ARPC5L: variants seen among roughly 807,000 people sequenced by gnomAD.
The protein encoded by ARPC5L is actin related protein 2/3 complex subunit 5 like.
Under a neutral mutation model 16.9 loss-of-function variants are expected in ARPC5L, and 4 were observed. That is an observed-to-expected ratio of 0.24 (90% CI 0.12 to 0.54). The LOEUF (loss-of-function observed/expected upper bound fraction) is 0.54, where lower values mean the gene tolerates loss of function less well. Ranked by LOEUF, ARPC5L falls within the 20% of genes least tolerant of loss-of-function variation. The pLI, the probability that ARPC5L is intolerant of heterozygous loss-of-function variation, is 0.95. For missense variants in ARPC5L, 151 were observed against 201.9 expected, an observed-to-expected ratio of 0.75 and a Z score of 1.53; for synonymous variants, 78 against 82.6, an observed-to-expected ratio of 0.94 and a Z score of 0.30.
At chr9:124,874,572 C>G (rs1425608602) in intron 4 of ARPC5L, among the ~76,000 whole-genome samples, 2 of 152,072 alleles carry the variant, frequency 1.3e-5, no homozygotes, top group Non-Finnish European at 2.9e-5. Context: ...GTGGCATGTG[C>G]CTGTAGCCCT....
chr9:124,869,043 G>T lies in ARPC5L; in HGVS notation c.-248G>T, dbSNP rs560636924. On this transcript the variant is annotated 5_prime_UTR_variant, in exon 3 of 6. Coordinates refer to ENST00000353214, the MANE Select transcript of ARPC5L (RefSeq NM_030978.3). ...GACTCCGTGGAAGGGACACTGAGGT[G>T]GGGGAGGCTGCGGTGATCCCATACC... is the stretch of plus-strand genomic sequence containing the variant. The T allele has an allele frequency of 5.2e-6, 2 of 384,892 alleles. No individual in the cohort carries two copies. Among genetic ancestry groups the T allele is most frequent in the Non-Finnish European group, 9.1e-6 (2 of 219,810 alleles). 23.8% of individuals were successfully genotyped at this position (384,892 alleles called of 1,614,324 possible).
chr9:124,869,125 T>G lies in ARPC5L; in HGVS notation c.-166T>G, dbSNP rs920608669. ...TGACGGCGCTTCCGGATCCGGCGGG[T>G]GCCGGAAGTGGGCGGGCGGCGGCGG... On this transcript the variant is annotated 5_prime_UTR_variant, in exon 3 of 6. Transcript: ENST00000353214. The G allele has an allele frequency of 1.9e-5, 15 of 804,578 alleles. No homozygotes were observed. In the East Asian group the frequency reaches 2.9e-4, roughly 15 times the overall value. The allele number at this position is 804,578 out of a possible 1,614,324, so 49.8% of individuals were successfully genotyped here. A position where few individuals can be genotyped will look rare whatever the true frequency, so the allele number is the denominator to read the frequency against.
In ARPC5L at chr9:124,877,103, G is replaced by A. The variant is rs116333678; in HGVS notation, c.*163G>A. On this transcript the variant is annotated 3_prime_UTR_variant, in exon 6 of 6. Transcript: ENST00000353214. ...TATTTTCAAGGTGGAGGGGAAAATC[G>A]TCTGTTTCCTAAATCCTGTTTAGGA... The A allele has an allele frequency of 1.2e-4, 74 of 628,722 alleles. No homozygotes were observed. Among genetic ancestry groups the A allele is most frequent in the African/African-American group, 5.0e-4 (27 of 53,918 alleles). The allele number at this position is 628,722 out of a possible 1,614,324, so 38.9% of individuals were successfully genotyped here.
chr9:124,877,190 C>G lies in ARPC5L; in HGVS notation c.*250C>G. On this transcript the variant is annotated 3_prime_UTR_variant, in exon 6 of 6. Transcript: ENST00000353214. ...AACTGACATTTTGACGGTCTACCAG[C>G]GTGGCGGCTGGTGTTGGTCAGATGC... 2.2e-6 allele frequency: 1 copy of G among 448,806 alleles called. No homozygotes were observed. The highest frequency in any genetic ancestry group is 6.0e-4 in the Middle Eastern group (1 of 1,654). 27.8% of individuals were successfully genotyped at this position (448,806 alleles called of 1,614,324 possible). A position where few individuals can be genotyped will look rare whatever the true frequency, so the allele number is the denominator to read the frequency against.
intron 2 of ARPC5L, among the ~76,000 whole-genome samples, chr9:124,866,735 A>T (rs898073931): frequency 3.3e-5 from 5 of 152,070 alleles, no homozygotes; most frequent in Non-Finnish European, 5.9e-5. Context: ...ATTAAAAAAA[A>T]ATTTACCCAG....
In ARPC5L at chr9:124,869,066, A is replaced by C. The variant is rs768796087; in HGVS notation, c.-225A>C. ...GTGGGGGAGGCTGCGGTGATCCCATACCGCACTCCAGGTGCCAGGCTCCGC... is the reference window on the plus strand; with the variant it reads ...GTGGGGGAGGCTGCGGTGATCCCATCCCGCACTCCAGGTGCCAGGCTCCGC... On this transcript the variant is annotated 5_prime_UTR_variant, in exon 3 of 6. Coordinates refer to ENST00000353214, the MANE Select transcript of ARPC5L (RefSeq NM_030978.3). 284 of 417,444 alleles carry C rather than the reference A, an allele frequency of 6.8e-4. 2 individuals carry two copies. The highest frequency in any genetic ancestry group is 1.2e-3 in the Admixed American group (27 of 21,724). 25.9% of individuals were successfully genotyped at this position (417,444 alleles called of 1,614,324 possible).
At position 124,869,271 on chromosome 9, in the gene ARPC5L, G is replaced by C; in HGVS notation, c.-20G>C. ...TCGGGCCGCGAGCGGAGCCGGCTGA[G>C]CGGGCGCCGAGCTCCCGCCATGGCC... On this transcript the variant is annotated 5_prime_UTR_variant, in exon 3 of 6. Coordinates refer to ENST00000353214, the MANE Select transcript of ARPC5L (RefSeq NM_030978.3). The C allele has an allele frequency of 6.6e-7, 1 of 1,510,832 alleles. No individual in the cohort carries two copies. Among genetic ancestry groups the C allele is most frequent in the Non-Finnish European group, 8.8e-7 (1 of 1,130,422 alleles). 93.6% of individuals were successfully genotyped at this position (1,510,832 alleles called of 1,614,324 possible).
At chr9:124,875,952 T>C (rs1252318925) in intron 5 of ARPC5L, among the ~76,000 whole-genome samples, 1 of 152,122 alleles carries the variant, frequency 6.6e-6, no homozygotes, top group African/African-American at 2.4e-5. Flanking sequence ...GTGCTGCACC[T>C]CCTTGGCCTC....
At chr9:124,874,151 A>G (rs894540775) in intron 4 of ARPC5L, among the ~76,000 whole-genome samples, 1 of 152,116 alleles carries the variant, frequency 6.6e-6, no homozygotes, top group African/African-American at 2.4e-5. Context: ...TAAAAACTAA[A>G]TTGTGCTTAC....
rs748467178 is a variant in ARPC5L, at chr9:124,876,938, T to TA, written c.*6dup. Residue 154 remains the stop codon, a frameshift_variant and stop_retained_variant, in exon 6 of 6, where the codon TAA becomes TAAA. Coordinates refer to ENST00000353214, the MANE Select transcript of ARPC5L (RefSeq NM_030978.3). LOFTEE classifies it high-confidence loss of function. ...IRVLTARKTV[*] is the part of the protein sequence containing the mutation. Reference sequence around the variant, plus strand: ...AGTTCTTACAGCAAGAAAGACTGTTTAAAAAAAATAAAAAGACTCATGTTA... The same window carrying TA: ...AGTTCTTACAGCAAGAAAGACTGTTTAAAAAAAAATAAAAAGACTCATGTTA... 7.3e-5 allele frequency: 118 copies of TA among 1,608,234 alleles called. No individual in the cohort carries two copies. Among genetic ancestry groups the TA allele is most frequent in the Middle Eastern group, 1.7e-4 (1 of 6,020 alleles).
Position 124,877,130 on chromosome 9 carries a change from C to T in ARPC5L, c.*190C>T. The T allele has an allele frequency of 1.7e-6, 1 of 594,518 alleles. No homozygotes were observed. Among genetic ancestry groups the T allele is most frequent in the Non-Finnish European group, 2.9e-6 (1 of 339,588 alleles). 36.8% of individuals were successfully genotyped at this position (594,518 alleles called of 1,614,324 possible). A position where few individuals can be genotyped will look rare whatever the true frequency, so the allele number is the denominator to read the frequency against. ...CTGTTTCCTAAATCCTGTTTAGGATCTGATAGTCTATGCCTTTGTCTCCGA... is the reference window on the plus strand; with the variant it reads ...CTGTTTCCTAAATCCTGTTTAGGATTTGATAGTCTATGCCTTTGTCTCCGA... On this transcript the variant is annotated 3_prime_UTR_variant, in exon 6 of 6. Coordinates refer to ENST00000353214, the MANE Select transcript of ARPC5L (RefSeq NM_030978.3).
chr9:124,869,828 G>A (rs1297013440), intron 3 of ARPC5L, among the ~76,000 whole-genome samples: 2 of 152,236 alleles, frequency 1.3e-5, no homozygotes, highest in Non-Finnish European at 2.9e-5. Flanking sequence ...GCGGGGCTGG[G>A]TCGGCGGCAG....
intron 2 of ARPC5L, among the ~76,000 whole-genome samples, chr9:124,867,791 G>C (rs1829292858): frequency 6.8e-6 from 1 of 147,886 alleles, no homozygotes; most frequent in Non-Finnish European, 1.5e-5. Flanking sequence ...GGACCCCTGA[G>C]ACTTTTCTTT....
chr9:124,877,089 T>G lies in ARPC5L; in HGVS notation c.*149T>G. On this transcript the variant is annotated 3_prime_UTR_variant, in exon 6 of 6. Coordinates refer to ENST00000353214, the MANE Select transcript of ARPC5L (RefSeq NM_030978.3). ...GCTGAAATGTATTTTATTTTCAAGG[T>G]GGAGGGGAAAATCGTCTGTTTCCTA... 1.5e-6 allele frequency: 1 copy of G among 664,934 alleles called. No homozygotes were observed. The highest frequency in any genetic ancestry group is 2.8e-5 in the East Asian group (1 of 35,572). The allele number at this position is 664,934 out of a possible 1,614,324, so 41.2% of individuals were successfully genotyped here.
Position 124,868,472 on chromosome 9 carries a change from G to C in ARPC5L, c.-819G>C, listed in dbSNP as rs998304939. 1 of 152,192 alleles carries C rather than the reference G, an allele frequency of 6.6e-6. No individual in the cohort carries two copies. Among genetic ancestry groups the C allele is most frequent in the East Asian group, 1.9e-4 (1 of 5,192 alleles). The allele number at this position is 152,192 out of a possible 1,614,324, so 9.4% of individuals were successfully genotyped here. On this transcript the variant is annotated 5_prime_UTR_variant, in exon 3 of 6. Transcript: ENST00000353214. ...TGTCAAGATGTGCCTCTCCAGCCAG[G>C]CCTCTCCTGCCAGGACGGTGGCCAC...
intron 3 of ARPC5L, chr9:124,873,387 G>T: frequency 2.3e-6 from 1 of 426,584 alleles, no homozygotes; most frequent in Non-Finnish European, 4.4e-6. Context: ...GAGATACAGT[G>T]CTCAGCACCA....
chr9:124,876,189 C>T (rs1244615723), intron 5 of ARPC5L, among the ~76,000 whole-genome samples: 2 of 151,872 alleles, frequency 1.3e-5, no homozygotes, highest in Admixed American at 6.6e-5. Flanking sequence ...CCCATCTCTA[C>T]AAAAAAATAA....
rs577979967 is a variant in ARPC5L, at chr9:124,869,016, G to C, written c.-275G>C. The C allele has an allele frequency of 8.4e-4, 291 of 344,636 alleles. 2 individuals carry two copies. Among genetic ancestry groups the C allele is most frequent in the African/African-American group, 5.7e-3 (267 of 46,846 alleles). The allele number at this position is 344,636 out of a possible 1,614,324, so 21.3% of individuals were successfully genotyped here. A position where few individuals can be genotyped will look rare whatever the true frequency, so the allele number is the denominator to read the frequency against. ...GCGCCCGATCCTCAGTGACAAAATA[G>C]AGACTCCGTGGAAGGGACACTGAGG... On this transcript the variant is annotated 5_prime_UTR_variant, in exon 3 of 6. It removes the in-frame stop codon of an upstream open reading frame in the 5' UTR. Transcript: ENST00000353214.
At position 124,876,950 on chromosome 9, in the gene ARPC5L, A is replaced by G. The variant is rs2131341163; in HGVS notation, c.*10A>G. The G allele has an allele frequency of 6.2e-7, 1 of 1,607,832 alleles. No individual in the cohort carries two copies. Among genetic ancestry groups the G allele is most frequent in the African/African-American group, 1.3e-5 (1 of 74,686 alleles). On this transcript the variant is annotated 3_prime_UTR_variant, in exon 6 of 6. Transcript: ENST00000353214. ...AAGAAAGACTGTTTAAAAAAAATAA[A>G]AAGACTCATGTTACCTTGAGAAGAA...
Sources: gnomAD v4.1 joint callset for allele counts (sites outside exome capture counted in the v4.1 genomes callset) on GRCh38, gnomAD v4.1.1 for gene constraint, MANE v1.5 for transcripts, NCBI Gene and HGNC (gene_info 2026-07-23, HGNC 2026-07-21) for gene names.